Variants in VWCE observed in about 807,000 individuals in gnomAD.
The protein encoded by VWCE is von Willebrand factor C and EGF domain-containing protein.
Under a neutral mutation model 102.9 loss-of-function variants are expected in VWCE, and 68 were observed. That is an observed-to-expected ratio of 0.66 (90% CI 0.54 to 0.81). The LOEUF (loss-of-function observed/expected upper bound fraction) is 0.81. VWCE is among the 30% of genes least tolerant of loss of function. VWCE has a pLI of 0.00. For missense variants in VWCE, 1,137 were observed against 1,263.6 expected, an observed-to-expected ratio of 0.90 and a Z score of 1.52; for synonymous variants, 497 against 515.4, an observed-to-expected ratio of 0.96 and a Z score of 0.48.
At position 61,282,898 on chromosome 11, in the gene VWCE, G is replaced by C; in HGVS notation, c.549C>G (p.Asp183Glu). Residue 183 changes from aspartate (D) to glutamate (E), a missense_variant, in exon 6 of 20, where the codon GAC (aspartate) becomes GAG (glutamate). Transcript: ENST00000335613. ...SADRHSCQDTDECLGTPCQQR... is the reference protein window; with the variant it reads ...SADRHSCQDTEECLGTPCQQR... The stretch of plus-strand genomic sequence containing the variant: ...GCTGACAGGGAGTCCCTAGGCATTC[G>C]TCAGTGTCTGGCAGGAAAAGGGACA... 6.2e-7 allele frequency: 1 copy of C among 1,613,850 alleles called. No individual in the cohort carries two copies. Among genetic ancestry groups the C allele is most frequent in the South Asian group, 1.1e-5 (1 of 91,086 alleles).
chr11:61,288,480 C>T (rs189581031), intron 4 of VWCE, among the ~76,000 whole-genome samples: 1 of 152,272 alleles, frequency 6.6e-6, no homozygotes, highest in Admixed American at 6.5e-5. Flanking sequence ...CCCACTCTTC[C>T]CAACAGCTGG....
rs144830880 is a variant in VWCE, at chr11:61,267,499, G to A, written c.1928C>T (p.Pro643Leu). The change falls in exon 16 of 20, where the codon CCG (proline) becomes CTG (leucine). Residue 643 changes from proline to leucine, a missense_variant. Physicochemically the swap from Pro to Leu is moderately conservative, Grantham distance 98. Around this residue, in one of 5 missense-constraint regions of VWCE, gnomAD observed 212 missense variants for 235.1 expected, o/e 0.90. Transcript: ENST00000335613. ...GRIFYNNETF[P>L]SVLDPCLSCI... is the part of the protein sequence containing the mutation. ...GCTCAGACATGGGTCCAGCACAGAC[G>A]GGAAGGTCTCGTTGTTATAGAAGAT... 195 of 1,614,014 alleles carry A rather than the reference G, an allele frequency of 1.2e-4. No homozygotes were observed. Among genetic ancestry groups the A allele is most frequent in the Non-Finnish European group, 1.5e-4 (178 of 1,180,024 alleles).
intron 19 of VWCE, 64 bp from the exon 20 acceptor site, chr11:61,259,376 G>A: frequency 2.0e-6 from 3 of 1,514,112 alleles, no homozygotes; most frequent in Non-Finnish European, 8.8e-7. Flanking sequence ...GTGGCTCTGG[G>A]ACAAGGTATA....
chr11:61,258,786 G>C lies in VWCE; in HGVS notation c.2757C>G (p.Arg919=). The change falls in exon 20 of 20, where the codon CGC becomes CGG. Residue 919 remains arginine (R), a synonymous_variant. Coordinates refer to ENST00000335613, the MANE Select transcript of VWCE (RefSeq NM_152718.2). ...GTCTAGAGGTGGTGGGAGAAAGCACGCGAGGCCCGAGGAGGGTGATGGGGG... is the reference window on the plus strand; with the variant it reads ...GTCTAGAGGTGGTGGGAGAAAGCACCCGAGGCCCGAGGAGGGTGATGGGGG... ...SKTPITLLGP[R]VLSPTTSRLS... The C allele has an allele frequency of 6.7e-7, 1 of 1,495,782 alleles. No individual in the cohort carries two copies. Among genetic ancestry groups the C allele is most frequent in the East Asian group, 2.3e-5 (1 of 42,938 alleles). The allele number at this position is 1,495,782 out of a possible 1,614,324, so 92.7% of individuals were successfully genotyped here.
At chr11:61,266,064 A>G (rs1460486016) in intron 16 of VWCE, among the ~76,000 whole-genome samples, 1 of 151,874 alleles carries the variant, frequency 6.6e-6, no homozygotes, top group African/African-American at 2.4e-5. Context: ...AAAATAAAAT[A>G]AAATAATTAT....
chr11:61,294,944 G>A lies in VWCE; in HGVS notation c.94C>T (p.His32Tyr). Reference sequence around the variant, plus strand: ...GGCGCTTACCTCTCGGCCGCGAAGTGCCCGGGCGGCTTCCTCCCGGTGTAG... The same window carrying A: ...GGCGCTTACCTCTCGGCCGCGAAGTACCCGGGCGGCTTCCTCCCGGTGTAG... ...RGYTGRKPPG[H>Y]FAAERRRLGP... Residue 32 changes from histidine (H) to tyrosine (Y), a missense_variant, in exon 1 of 20, where the codon CAC becomes TAC. This residue lies in a region of VWCE where 575 missense variants were observed against 625.9 expected (regional missense o/e 0.92). Transcript: ENST00000335613. The surrounding 1 kb of genome is among the most constrained non-coding windows in gnomAD (Gnocchi z 6.3). The A allele has an allele frequency of 6.9e-7, 1 of 1,450,910 alleles. No homozygotes were observed. The highest frequency in any genetic ancestry group is 2.4e-5 in the Admixed American group (1 of 41,986). The allele number at this position is 1,450,910 out of a possible 1,614,324, so 89.9% of individuals were successfully genotyped here.
chr11:61,289,291 G>A (rs529418645), intron 4 of VWCE, among the ~76,000 whole-genome samples: 12 of 150,690 alleles, frequency 8.0e-5, no homozygotes, highest in South Asian at 2.1e-4. Flanking sequence ...TTGCTCTGTC[G>A]CTAGGCTGGA....
intron 5 of VWCE, among the ~76,000 whole-genome samples, chr11:61,284,211 C>CAAAG (rs1268924690): frequency 4.6e-5 from 7 of 150,960 alleles, no homozygotes; most frequent in Non-Finnish European, 8.9e-5. Flanking sequence ...AAAAAAAAAA[C>CAAAG]AAAGAAAGAA....
At chr11:61,282,062 G>C (rs1590646326) in intron 6 of VWCE, 148 bp from the exon 7 acceptor site, 1 of 1,278,390 alleles carries the variant, frequency 7.8e-7, no homozygotes, top group East Asian at 2.7e-5. Flanking sequence ...ATGTGACTCA[G>C]ACAGCTGGGA....
At chr11:61,282,180 T>C (rs1855165775) in intron 6 of VWCE, among the ~76,000 whole-genome samples, 1 of 152,158 alleles carries the variant, frequency 6.6e-6, no homozygotes, top group South Asian at 2.1e-4. Context: ...GGTAATTAAT[T>C]GCTGCGTGGT....
At position 61,286,357 on chromosome 11, in the gene VWCE, A is replaced by C; in HGVS notation, c.498T>G (p.Cys166Trp). 1 of 1,611,984 alleles carries C rather than the reference A, an allele frequency of 6.2e-7. No homozygotes were observed. Among genetic ancestry groups the C allele is most frequent in the Non-Finnish European group, 8.5e-7 (1 of 1,180,034 alleles). ...CGGCAGACAGCTGCATGCCCGGCCCACACTCGCACACAAACCCACCTTCTG... is the reference window on the plus strand; with the variant it reads ...CGGCAGACAGCTGCATGCCCGGCCCCCACTCGCACACAAACCCACCTTCTG... ...VNTEGGFVCE[C>W]GPGMQLSADR... Residue 166 changes from cysteine (C) to tryptophan (W), a missense_variant, in exon 5 of 20, where the codon TGT (cysteine) becomes TGG (tryptophan). Around this residue, in one of 5 missense-constraint regions of VWCE, gnomAD observed 575 missense variants for 625.9 expected, o/e 0.92. Coordinates refer to ENST00000335613, the MANE Select transcript of VWCE (RefSeq NM_152718.2).
chr11:61,295,238 T>C lies in VWCE; in HGVS notation c.-201A>G. On this transcript the variant is annotated 5_prime_UTR_variant, in exon 1 of 20. Transcript: ENST00000335613. This position sits in a 1 kb window ranked among gnomAD's most constrained non-coding sequence, Gnocchi z 4.6. ...CGCGAGGGGACGCGGCGGACGATTG[T>C]GGGGAGGGTCTCTGGCACCTCGAAG... The C allele has an allele frequency of 2.6e-6, 1 of 381,198 alleles. No homozygotes were observed. Among genetic ancestry groups the C allele is most frequent in the East Asian group, 3.8e-5 (1 of 26,324 alleles). 23.6% of individuals were successfully genotyped at this position (381,198 alleles called of 1,614,324 possible).
At chr11:61,285,954 A>G (rs1305458541) in intron 5 of VWCE, among the ~76,000 whole-genome samples, 1 of 152,114 alleles carries the variant, frequency 6.6e-6, no homozygotes, top group Non-Finnish European at 1.5e-5. Flanking sequence ...AGGTTTCACC[A>G]TGTTGGCCAG....
intron 15 of VWCE, among the ~76,000 whole-genome samples, chr11:61,267,771 C>T (rs535256598): frequency 1.3e-5 from 2 of 152,290 alleles, no homozygotes; most frequent in South Asian, 4.1e-4. Context: ...GTGTCTTGGC[C>T]TCAGTGTCCT....
chr11:61,282,324 G>C (rs1416342216), intron 6 of VWCE, among the ~76,000 whole-genome samples: 1 of 152,164 alleles, frequency 6.6e-6, no homozygotes, highest in Non-Finnish European at 1.5e-5. Flanking sequence ...CTAGAACAAG[G>C]TCTTTTTTCA....
In VWCE at chr11:61,280,651, C is replaced by T. The variant is rs374345990; in HGVS notation, c.1297G>A (p.Asp433Asn). 6.2e-7 allele frequency: 1 copy of T among 1,614,126 alleles called. No homozygotes were observed. Among genetic ancestry groups the T allele is most frequent in the South Asian group, 1.1e-5 (1 of 91,080 alleles). ...AACSHPIPSR[D>N]GGCCPSCTGC... is the part of the protein sequence containing the mutation. ...GTGCACGATGGGCAGCACCCACCAT[C>T]TCTGGAGGGAATTGGGTGGGAACAA... is the stretch of plus-strand genomic sequence containing the variant. The change falls in exon 9 of 20, where the codon GAT becomes AAT. Residue 433 changes from aspartate (D) to asparagine (N), a missense_variant. Physicochemically the swap from Asp to Asn is conservative, Grantham distance 23 (BLOSUM62 1). Around this residue, in one of 5 missense-constraint regions of VWCE, gnomAD observed 575 missense variants for 625.9 expected, o/e 0.92. Transcript: ENST00000335613.
rs749942892 is a variant in VWCE, at chr11:61,276,944, AAGGGGAGGGG to A, written c.1408-274_1408-265del. ...GAGGAGAGGAGAGGAGAAGACAGGG[AAGGGGAGGGG>A]AGGGGAGGGGAAGGGCAGGAGAGGA... On this transcript the variant is annotated intron_variant, in intron 10 of 19. Transcript: ENST00000335613. 7.9e-3 allele frequency among the ~76,000 whole-genome samples: 695 copies of A among 87,428 alleles called. 8 individuals carry two copies. The highest frequency in any genetic ancestry group is 0.019 in the Middle Eastern group (3 of 162). The allele number at this position is 87,428 out of a possible 152,430, so 57.4% of individuals were successfully genotyped here. A position where few individuals can be genotyped will look rare whatever the true frequency, so the allele number is the denominator to read the frequency against.
At chr11:61,261,398 T>C (rs1854354364) in intron 19 of VWCE, among the ~76,000 whole-genome samples, 4 of 152,024 alleles carry the variant, frequency 2.6e-5, no homozygotes. Context: ...AATGTGTGAA[T>C]TGTATGACAT....
intron 3 of VWCE, 109 bp downstream of exon 3, chr11:61,291,155 A>T: frequency 8.1e-7 from 1 of 1,241,326 alleles, no homozygotes; most frequent in Non-Finnish European, 1.1e-6. Context: ...TACCTAATGG[A>T]GTTGTCTGAA....
Sources: allele counts gnomAD v4.1 joint callset (sites outside exome capture counted in the v4.1 genomes callset), GRCh38; gene constraint gnomAD v4.1.1; regional missense constraint gnomAD v4.1.1; non-coding constraint Gnocchi (gnomAD v3.1); transcripts MANE v1.5; gene names NCBI Gene and HGNC (gene_info 2026-07-23, HGNC 2026-07-21).